The following GLT1D1 variants were observed in gnomAD, a reference collection of about 807,000 sequenced individuals.
GLT1D1 encodes glycosyltransferase 1 domain containing 1, also known as glycosyltransferase 1 domain-containing protein 1.
In GLT1D1, 21 loss-of-function variants were observed where a neutral mutation model predicts 28.7. The observed-to-expected ratio is 0.73, with a 90% CI of 0.52 to 1.05. The LOEUF is 1.05. GLT1D1 is among the 50% of genes least tolerant of loss of function. The pLI is 0.00. For synonymous variants in GLT1D1, 147 were observed against 124.8 expected, an observed-to-expected ratio of 1.18 and a Z score of -1.19; for missense variants, 343 against 330.6, an observed-to-expected ratio of 1.04 and a Z score of -0.29.
intron 7 of GLT1D1, 91 bp downstream of exon 11, chr12:128,957,734 G>A (rs1877448866): frequency 3.5e-6 from 3 of 860,646 alleles, no homozygotes; most frequent in African/African-American, 1.7e-5. Context: ...TTAGCGCTTA[G>A]TATTCCTGTC....
chr12:128,942,756 GTT>G (rs61514615), intron 4 of GLT1D1, among the ~76,000 whole-genome samples: 30 of 124,898 alleles, frequency 2.4e-4, no homozygotes, highest in Admixed American at 4.1e-4. Context: ...TTTGTTTTTT[GTT>G]TTTTTTTTTT....
intron 2 of GLT1D1, among the ~76,000 whole-genome samples, chr12:128,885,828 A>G (rs1300184605): frequency 6.6e-6 from 1 of 152,090 alleles, no homozygotes; most frequent in East Asian, 1.9e-4. Flanking sequence ...TGGGAATTTC[A>G]CTGAAAACGA....
chr12:128,888,533 C>A, intron 2 of GLT1D1, 106 bp from the exon 3 acceptor site: 1 of 700,528 alleles, frequency 1.4e-6, no homozygotes, highest in Non-Finnish European at 2.5e-6. Flanking sequence ...CAACAAACAG[C>A]TCCGGCGATC....
intron 1 of GLT1D1, among the ~76,000 whole-genome samples, 181 bp downstream of exon 1, chr12:128,853,830 C>T (rs1956134694): frequency 6.6e-6 from 1 of 152,036 alleles, no homozygotes; most frequent in East Asian, 1.9e-4. Context: ...TCGGTGCCTT[C>T]TGCGTGGCGC....
chr12:128,933,198 A>G (rs960018256), intron 4 of GLT1D1, among the ~76,000 whole-genome samples: 2 of 152,210 alleles, frequency 1.3e-5, no homozygotes, highest in Admixed American at 6.5e-5. Context: ...CCATGTGTCA[A>G]TGCTTTACCA....
chr12:128,927,516 G>A (rs1566140436), intron 4 of GLT1D1, among the ~76,000 whole-genome samples: 1 of 152,036 alleles, frequency 6.6e-6, no homozygotes, highest in African/African-American at 2.4e-5. Flanking sequence ...GGGATTACAG[G>A]CGTGAGCCAC....
chr12:128,901,734 C>T (rs1001491264), intron 4 of GLT1D1, among the ~76,000 whole-genome samples: 13 of 151,454 alleles, frequency 8.6e-5, no homozygotes, highest in Admixed American at 8.5e-4. Context: ...CATGCCTGGT[C>T]CCTCTTTTTT....
intron 7 of GLT1D1, among the ~76,000 whole-genome samples, chr12:128,974,477 C>A (rs1263735776): frequency 6.6e-6 from 1 of 152,180 alleles, no homozygotes; most frequent in Non-Finnish European, 1.5e-5. Flanking sequence ...ACTGTTTTCC[C>A]TCCTCAAATA....
chr12:128,855,839 G>GC (rs374088034), intron 1 of GLT1D1, among the ~76,000 whole-genome samples: 2 of 136,642 alleles, frequency 1.5e-5, no homozygotes, highest in Non-Finnish European at 3.0e-5. Flanking sequence ...TGCAACCTCT[G>GC]CCCCCCGGTT....
At chr12:128,889,379 G>T (rs931429799) in intron 3 of GLT1D1, among the ~76,000 whole-genome samples, 1 of 152,176 alleles carries the variant, frequency 6.6e-6, no homozygotes, top group African/African-American at 2.4e-5. Flanking sequence ...CCAGGGACCT[G>T]AGAGGTAGCT....
chr12:128,944,447 C>T (rs1458920811), intron 4 of GLT1D1: 9 of 1,337,822 alleles, frequency 6.7e-6, no homozygotes, highest in South Asian at 2.4e-5. Context: ...CTCTTGATAA[C>T]CATCTCTGGT....
intron 1 of GLT1D1, among the ~76,000 whole-genome samples, chr12:128,857,104 T>C (rs1956242853): frequency 6.6e-6 from 1 of 152,190 alleles, no homozygotes; most frequent in Admixed American, 6.5e-5. Flanking sequence ...ACCCACATCT[T>C]CCAAGGGCCC....
At chr12:128,934,190 G>A (rs1028937292) in intron 4 of GLT1D1, among the ~76,000 whole-genome samples, 4 of 141,054 alleles carry the variant, frequency 2.8e-5, no homozygotes, top group Admixed American at 7.6e-5. Flanking sequence ...TGTCTTCAAA[G>A]AGACAGTCTT....
At chr12:128,977,488 G>C (rs993731607) in intron 7 of GLT1D1, among the ~76,000 whole-genome samples, 3 of 152,022 alleles carry the variant, frequency 2.0e-5, no homozygotes, top group Non-Finnish European at 4.4e-5. Context: ...ATTACCTGTT[G>C]ATATTTAACA....
intron 7 of GLT1D1, among the ~76,000 whole-genome samples, chr12:128,962,761 A>T (rs539658703): frequency 6.6e-6 from 1 of 152,084 alleles, no homozygotes; most frequent in Non-Finnish European, 1.5e-5. Context: ...GAGTGCAGTG[A>T]TGTGATCTCG....
At chr12:128,906,726 T>TC (rs1870909224) in intron 4 of GLT1D1, among the ~76,000 whole-genome samples, 1 of 151,990 alleles carries the variant, frequency 6.6e-6, no homozygotes, top group South Asian at 2.1e-4. Context: ...TTTTTTTTTT[T>TC]TTCTTTTTTT....
At chr12:128,967,058 GA>G (rs2135532926) in intron 7 of GLT1D1, among the ~76,000 whole-genome samples, 1 of 152,326 alleles carries the variant, frequency 6.6e-6, no homozygotes, top group African/African-American at 2.4e-5. Flanking sequence ...TAGAAGCTGT[GA>G]ATCTATACAC....
intron 6 of GLT1D1, among the ~76,000 whole-genome samples, chr12:128,951,009 G>C (rs1876637886): frequency 6.6e-6 from 1 of 152,212 alleles, no homozygotes; most frequent in Admixed American, 6.5e-5. Flanking sequence ...AAATTGCTAA[G>C]AGTAGATCTT....
At chr12:128,954,814 G>T (rs184272838) in intron 6 of GLT1D1, among the ~76,000 whole-genome samples, 1 of 152,134 alleles carries the variant, frequency 6.6e-6, no homozygotes, top group Non-Finnish European at 1.5e-5. Context: ...ATTAGCTGAG[G>T]ATGGTGGCAT....
Sources: allele counts gnomAD v4.1 joint callset (sites outside exome capture counted in the v4.1 genomes callset), GRCh38; gene constraint gnomAD v4.1.1; transcripts MANE v1.5; gene names NCBI Gene and HGNC (gene_info 2026-07-23, HGNC 2026-07-21).